Variants in NLGN1 observed in about 807,000 individuals in gnomAD.
NLGN1 encodes the protein neuroligin-1.
NLGN1 carries 12 observed loss-of-function variants against 65.5 expected under a neutral mutation model. That is an observed-to-expected ratio of 0.18 (90% confidence interval 0.12 to 0.30). NLGN1 has a LOEUF of 0.30. Among genes scored for constraint, NLGN1 ranks in the 10% least tolerant of loss-of-function variants. The pLI, the probability that NLGN1 is intolerant of heterozygous loss-of-function variation, is 1.00. For synonymous variants in NLGN1, 350 were observed against 359.5 expected, an observed-to-expected ratio of 0.97 and a Z score of 0.30; for missense variants, 750 against 1,007.1, an observed-to-expected ratio of 0.74 and a Z score of 3.46.
At chr3:173,668,464 A>C (rs1052687874) in intron 3 of NLGN1, among the ~76,000 whole-genome samples, 5 of 152,090 alleles carry the variant, frequency 3.3e-5, no homozygotes, top group African/African-American at 1.2e-4. Flanking sequence ...CATATCTGGA[A>C]GGGATTTGGA....
chr3:174,263,857 G>A (rs1747456621), intron 4 of NLGN1, among the ~76,000 whole-genome samples: 1 of 150,738 alleles, frequency 6.6e-6, no homozygotes, highest in South Asian at 2.1e-4. Context: ...CTTCCTTCAG[G>A]AGCTCTTTTA....
At chr3:174,077,103 C>T (rs1741174921) in intron 4 of NLGN1, among the ~76,000 whole-genome samples, 1 of 151,970 alleles carries the variant, frequency 6.6e-6, no homozygotes, top group Non-Finnish European at 1.5e-5. Context: ...CCTTATGTAT[C>T]TTACATGCAT....
intron 3 of NLGN1, among the ~76,000 whole-genome samples, chr3:173,801,262 T>C (rs1715407117): frequency 6.6e-6 from 1 of 152,050 alleles, no homozygotes; most frequent in South Asian, 2.1e-4. Flanking sequence ...GATTTCACTG[T>C]ACCTTTACAT....
At chr3:173,666,925 A>T (rs141721920) in intron 3 of NLGN1, among the ~76,000 whole-genome samples, 128 of 152,330 alleles carry the variant, frequency 8.4e-4, no homozygotes, top group Middle Eastern at 3.4e-3. Context: ...AGAAAATGTT[A>T]ACATTTTATT....
At chr3:174,203,948 T>G (rs915029879) in intron 4 of NLGN1, among the ~76,000 whole-genome samples, 1 of 152,226 alleles carries the variant, frequency 6.6e-6, no homozygotes, top group Non-Finnish European at 1.5e-5. Context: ...GGAGTCATTA[T>G]TTTAAAATTA....
intron 3 of NLGN1, among the ~76,000 whole-genome samples, chr3:173,635,035 A>G (rs1422138711): frequency 6.6e-6 from 1 of 152,112 alleles, no homozygotes; most frequent in African/African-American, 2.4e-5. Context: ...CATGTAGCAC[A>G]TGTAAAAAAA....
At chr3:173,918,940 T>C (rs562520095) in intron 4 of NLGN1, among the ~76,000 whole-genome samples, 1 of 152,244 alleles carries the variant, frequency 6.6e-6, no homozygotes, top group South Asian at 2.1e-4. Flanking sequence ...GCTACCTGCA[T>C]TCCTTGGCTA....
At chr3:173,866,095 A>C (rs2150836811) in intron 4 of NLGN1, among the ~76,000 whole-genome samples, 1 of 152,214 alleles carries the variant, frequency 6.6e-6, no homozygotes, top group Middle Eastern at 3.4e-3. Flanking sequence ...CTTGAGCCTG[A>C]CACCTGTTCT....
intron 3 of NLGN1, among the ~76,000 whole-genome samples, chr3:173,804,227 A>C (rs948543688): frequency 6.6e-6 from 1 of 152,196 alleles, no homozygotes; most frequent in Non-Finnish European, 1.5e-5. Context: ...AAACCATTGC[A>C]AATAATGGAA....
At chr3:173,787,390 C>A (rs962206452) in intron 3 of NLGN1, among the ~76,000 whole-genome samples, 4 of 152,084 alleles carry the variant, frequency 2.6e-5, no homozygotes, top group Non-Finnish European at 5.9e-5. Context: ...TCCACATATT[C>A]TTAAAAATAC....
At chr3:173,543,551 G>T (rs1290282523) in intron 2 of NLGN1, among the ~76,000 whole-genome samples, 1 of 152,074 alleles carries the variant, frequency 6.6e-6, no homozygotes, top group Non-Finnish European at 1.5e-5. Context: ...AAGTTTATCA[G>T]AAGATAGCAA....
chr3:173,782,968 A>C (rs1471596818), intron 3 of NLGN1, among the ~76,000 whole-genome samples: 1 of 150,950 alleles, frequency 6.6e-6, no homozygotes, highest in Non-Finnish European at 1.5e-5. Context: ...AATGTGCAAA[A>C]CAGCAAATAT....
intron 2 of NLGN1, among the ~76,000 whole-genome samples, chr3:173,524,406 A>G (rs1735289549): frequency 6.6e-6 from 1 of 152,170 alleles, no homozygotes; most frequent in African/African-American, 2.4e-5. Flanking sequence ...ATTCTTGTAC[A>G]TAGATTTTGT....
At chr3:174,238,313 T>G (rs567445329) in intron 4 of NLGN1, among the ~76,000 whole-genome samples, 1 of 135,700 alleles carries the variant, frequency 7.4e-6, no homozygotes, top group Non-Finnish European at 1.7e-5. Flanking sequence ...TACTTTCTGT[T>G]TTTTCTTTTT....
At position 174,279,780 on chromosome 3, in the gene NLGN1, A is replaced by G. The variant is rs949037405; in HGVS notation, c.1649+130A>G. 3.3e-6 allele frequency: 2 copies of G among 604,370 alleles called. No homozygotes were observed. The highest frequency in any genetic ancestry group is 5.8e-6 in the Non-Finnish European group (2 of 347,530). 37.4% of individuals were successfully genotyped at this position (604,370 alleles called of 1,614,324 possible). ...TGCAAGATATTACATTCCTTTATTCAAAATTAATTCTATATTATGGTGTTT... is the reference window on the plus strand; with the variant it reads ...TGCAAGATATTACATTCCTTTATTCGAAATTAATTCTATATTATGGTGTTT... On this transcript the variant is annotated intron_variant, in intron 6 of 6. Transcript: ENST00000457714. The surrounding 1 kb of genome is among the most constrained non-coding windows in gnomAD (Gnocchi z 4.7).
chr3:173,813,352 G>C (rs1484085956), intron 4 of NLGN1, among the ~76,000 whole-genome samples: 1 of 152,136 alleles, frequency 6.6e-6, no homozygotes, highest in African/African-American at 2.4e-5. Context: ...ATATATTTAA[G>C]AGTAATATTT....
At chr3:173,466,044 A>G (rs498664) in intron 2 of NLGN1, among the ~76,000 whole-genome samples, 17,245 of 152,232 alleles carry the variant, frequency 0.11, 1,026 homozygotes, top group Admixed American at 0.15. Context: ...TAAATAGACC[A>G]GGTTCTAGTG....
chr3:173,918,702 GTA>G (rs763046532), intron 4 of NLGN1, among the ~76,000 whole-genome samples: 10,679 of 67,332 alleles, frequency 0.16, 609 homozygotes, highest in Non-Finnish European at 0.17. Flanking sequence ...GTGTGTGTGT[GTA>G]TATATATATA....
chr3:173,729,498 G>A (rs1772418674), intron 3 of NLGN1, among the ~76,000 whole-genome samples: 1 of 151,894 alleles, frequency 6.6e-6, no homozygotes, highest in South Asian at 2.1e-4. Context: ...TAAGTTGCGT[G>A]GATGGTTTAA....
Sources: allele counts gnomAD v4.1 joint callset (sites outside exome capture counted in the v4.1 genomes callset), GRCh38; gene constraint gnomAD v4.1.1; non-coding constraint Gnocchi (gnomAD v3.1); transcripts MANE v1.5; gene names NCBI Gene and HGNC (gene_info 2026-07-23, HGNC 2026-07-21).